KCNJ1: variants seen among roughly 807,000 people sequenced by gnomAD.
KCNJ1 encodes potassium inwardly rectifying channel subfamily J member 1.
In KCNJ1, 24 loss-of-function variants were observed where a neutral mutation model predicts 21.9. That is an observed-to-expected ratio of 1.10 (90% CI 0.79 to 1.54). The LOEUF (loss-of-function observed/expected upper bound fraction) is 1.54, where lower values mean the gene tolerates loss of function less well. Among genes scored for constraint, KCNJ1 ranks in the 40% most tolerant of loss-of-function variants. The pLI, the probability that KCNJ1 is intolerant of heterozygous loss-of-function variation, is 0.00. For missense variants in KCNJ1, 457 were observed against 455.4 expected (o/e 1.00, Z -0.03); for synonymous variants, 152 against 160.9 (o/e 0.94, Z 0.42).
intron 1 of KCNJ1, among the ~76,000 whole-genome samples, chr11:128,859,197 A>G (rs749401806): frequency 5.9e-5 from 9 of 152,244 alleles, no homozygotes; most frequent in Non-Finnish European, 1.3e-4. Flanking sequence ...TCTGTTTGAC[A>G]AGGAAGGGAA....
At chr11:128,866,075 T>C (rs1281795148) in intron 1 of KCNJ1, among the ~76,000 whole-genome samples, 1 of 152,160 alleles carries the variant, frequency 6.6e-6, no homozygotes. Context: ...CACCCCATCA[T>C]GCTCTTAAAA....
At chr11:128,859,889 T>C (rs924798630) in intron 1 of KCNJ1, among the ~76,000 whole-genome samples, 19 of 152,170 alleles carry the variant, frequency 1.2e-4, no homozygotes, top group Admixed American at 4.6e-4. Flanking sequence ...AAACAGTAAC[T>C]AGAAGTGACC....
intron 1 of KCNJ1, among the ~76,000 whole-genome samples, chr11:128,851,699 G>A (rs1416683336): frequency 1.3e-5 from 2 of 152,194 alleles, no homozygotes; most frequent in Non-Finnish European, 2.9e-5. Flanking sequence ...GTGGACGGGA[G>A]GCCTGAACAT....
rs553487085 is a variant in KCNJ1 at position 128,839,194 on chromosome 11, C to T, written c.1050G>A (p.Met350Ile). The change falls in exon 3 of 3, where the codon ATG becomes ATA. Residue 350 changes from methionine to isoleucine, a missense_variant. Transcript: ENST00000392666. ...LYNEKDVRAR[M>I]KRGYDNPNFI... ...AGTTGGGGTTGTCATAGCCTCTCTT[C>T]ATCCTGGCTCTAACATCTTTCTCAT... 6.2e-7 allele frequency: 1 copy of T among 1,614,172 alleles called. No individual in the cohort carries two copies. The highest frequency in any genetic ancestry group is 1.1e-5 in the South Asian group (1 of 91,082).
intron 2 of KCNJ1, 79 bp downstream of exon 2, chr11:128,850,642 C>T: frequency 1.5e-6 from 1 of 662,202 alleles, no homozygotes; most frequent in Non-Finnish European, 1.9e-6. Context: ...TTAAGAGGCT[C>T]TGCATAACCA....
Position 128,848,924 on chromosome 11 carries a change from AATGGCC to A in KCNJ1, c.-22+1791_-22+1796del, listed in dbSNP as rs553427845. On this transcript the variant is annotated intron_variant, in intron 2 of 2. Transcript: ENST00000392666. ...TGATAACAGTCTCCAGAGAGTGTGG[AATGGCC>A]ATTAAGGCGGCCAGAATGGGCTTCT... is the stretch of plus-strand genomic sequence containing the variant. Among the ~76,000 whole-genome samples the A allele has an allele frequency of 2.4e-4, 37 of 152,310 alleles. No individual in the cohort carries two copies. In the South Asian group the frequency reaches 6.8e-3, roughly 28 times the overall value.
intron 1 of KCNJ1, among the ~76,000 whole-genome samples, chr11:128,852,209 G>A (rs1262909360): frequency 6.6e-6 from 1 of 152,214 alleles, no homozygotes; most frequent in African/African-American, 2.4e-5. Context: ...AATACCTTGA[G>A]TCATACTACG....
chr11:128,841,528 A>T (rs762614457), intron 2 of KCNJ1, among the ~76,000 whole-genome samples: 2 of 152,188 alleles, frequency 1.3e-5, no homozygotes, highest in Non-Finnish European at 2.9e-5. Context: ...ATGCCCAAGA[A>T]TATCAAGGTG....
chr11:128,843,733 G>T (rs2135944342), intron 2 of KCNJ1, among the ~76,000 whole-genome samples: 1 of 152,222 alleles, frequency 6.6e-6, no homozygotes, highest in East Asian at 1.9e-4. Context: ...TACTTCAACT[G>T]GCAGAAAACT....
At chr11:128,850,567 C>G (rs144881983) in intron 2 of KCNJ1, among the ~76,000 whole-genome samples, 154 bp downstream of exon 2, 3 of 152,328 alleles carry the variant, frequency 2.0e-5, no homozygotes, top group African/African-American at 7.2e-5. Flanking sequence ...CTCTCTGATG[C>G]TGGTGGTGGG....
In KCNJ1 at chr11:128,839,379, A is replaced by G; in HGVS notation, c.865T>C (p.Cys289Arg). 1 of 1,614,210 alleles carries G rather than the reference A, an allele frequency of 6.2e-7. No individual in the cohort carries two copies. The highest frequency in any genetic ancestry group is 8.5e-7 in the Non-Finnish European group (1 of 1,180,038). ...GGGACATAGGATGTCCGGACTTGGC[A>G]GGTAGCACTGGTGGACTCCACTGTG... Reference protein sequence around the residue: ...DGTVESTSATCQVRTSYVPEE... With the variant: ...DGTVESTSATRQVRTSYVPEE... The change falls in exon 3 of 3, where the codon TGC (cysteine) becomes CGC (arginine). Residue 289 changes from cysteine to arginine, a missense_variant. Coordinates refer to ENST00000392666, the MANE Select transcript of KCNJ1 (RefSeq NM_153766.3).
At chr11:128,860,076 T>C (rs752075060) in intron 1 of KCNJ1, among the ~76,000 whole-genome samples, 1 of 134,914 alleles carries the variant, frequency 7.4e-6, no homozygotes, top group Non-Finnish European at 1.6e-5. Flanking sequence ...GGCATTGATT[T>C]CAGAAGGGCG....
chr11:128,839,157 C>T lies in KCNJ1; in HGVS notation c.1087G>A (p.Glu363Lys). The T allele has an allele frequency of 1.2e-6, 2 of 1,614,118 alleles. No individual in the cohort carries two copies. The highest frequency in any genetic ancestry group is 8.5e-7 in the Non-Finnish European group (1 of 1,180,020). ...TTGGTGTCATCTGTTTCATTGACTT[C>T]TGACAAGATGAAGTTGGGGTTGTCA... ...GYDNPNFILS[E>K]VNETDDTKM The change falls in exon 3 of 3, where the codon GAA becomes AAA. Residue 363 changes from glutamate to lysine, a missense_variant. Glu to Lys is a moderately conservative substitution (Grantham distance 56). Coordinates refer to ENST00000392666, the MANE Select transcript of KCNJ1 (RefSeq NM_153766.3).
At position 128,863,463 on chromosome 11, in the gene KCNJ1, G is replaced by C. The variant is rs1292631556; in HGVS notation, c.-192+3710C>G. Among the ~76,000 whole-genome samples the C allele has an allele frequency of 3.3e-5, 5 of 152,222 alleles. No homozygotes were observed. The South Asian group carries it at 1.0e-3, about 31-fold the overall frequency. On this transcript the variant is annotated intron_variant, in intron 1 of 2. Coordinates refer to ENST00000392666, the MANE Select transcript of KCNJ1 (RefSeq NM_153766.3). ...AGCACAGGGCAGATACACACATGCA[G>C]AGATGGACTCTGTTGCATACTGGGG...
intron 2 of KCNJ1, among the ~76,000 whole-genome samples, chr11:128,840,982 T>C (rs1943272949): frequency 6.6e-6 from 1 of 152,236 alleles, no homozygotes; most frequent in South Asian, 2.1e-4. Context: ...TCAAATGTTA[T>C]ATTCTAAAGT....
intron 1 of KCNJ1, 45 bp from the exon 2 acceptor site, chr11:128,850,935 C>CA (rs1464202473): frequency 6.4e-6 from 6 of 940,394 alleles, no homozygotes; most frequent in Non-Finnish European, 7.6e-6. Context: ...AGACAGAGGA[C>CA]AGGCCCACAC....
chr11:128,862,511 C>G (rs904160161), intron 1 of KCNJ1, among the ~76,000 whole-genome samples: 3 of 152,210 alleles, frequency 2.0e-5, no homozygotes, highest in African/African-American at 4.8e-5. Flanking sequence ...TCCATCCCCC[C>G]CGGGGCTGCC....
At chr11:128,850,156 C>A (rs1285067485) in intron 2 of KCNJ1, among the ~76,000 whole-genome samples, 1 of 152,088 alleles carries the variant, frequency 6.6e-6, no homozygotes, top group Non-Finnish European at 1.5e-5. Flanking sequence ...CGGCTGGAAA[C>A]CCTTGGAGCT....
At chr11:128,853,567 G>C (rs1220055408) in intron 1 of KCNJ1, among the ~76,000 whole-genome samples, 1 of 152,186 alleles carries the variant, frequency 6.6e-6, no homozygotes, top group Non-Finnish European at 1.5e-5. Context: ...AAATGTTCCG[G>C]TATTGATTGT....
Sources: gnomAD v4.1 joint callset for allele counts (sites outside exome capture counted in the v4.1 genomes callset) on GRCh38, gnomAD v4.1.1 for gene constraint, MANE v1.5 for transcripts, NCBI Gene and HGNC (gene_info 2026-07-23, HGNC 2026-07-21) for gene names.